PTPRQ: variants seen among roughly 807,000 people sequenced by gnomAD.
The protein encoded by PTPRQ is phosphatidylinositol phosphatase PTPRQ.
PTPRQ carries 199 observed loss-of-function variants against 246.0 expected under a neutral mutation model. The ratio of observed to expected loss-of-function variants is 0.81; its 90% CI spans 0.72 to 0.91. PTPRQ has a LOEUF of 0.91. Ranked by LOEUF, PTPRQ falls within the 40% of genes least tolerant of loss-of-function variation. The pLI, the probability that PTPRQ is intolerant of heterozygous loss-of-function variation, is 0.00. For missense variants in PTPRQ, 2,624 were observed against 2,528.4 expected (o/e 1.04, Z -0.81); for synonymous variants, 869 against 853.2 (o/e 1.02, Z -0.32).
chr12:80,539,655 C>T, intron 19 of PTPRQ, 121 bp from the exon 20 acceptor site: 3 of 834,006 alleles, frequency 3.6e-6, no homozygotes, highest in Non-Finnish European at 5.0e-6. Context: ...GTCGATTTTC[C>T]TAAAACAACA....
At chr12:80,599,282 A>G (rs1898065920) in intron 26 of PTPRQ, among the ~76,000 whole-genome samples, 1 of 151,962 alleles carries the variant, frequency 6.6e-6, no homozygotes, top group Non-Finnish European at 1.5e-5. Flanking sequence ...TGATTGGATT[A>G]TGGGGAATGA....
chr12:80,572,487 C>T (rs1897172751), intron 25 of PTPRQ, among the ~76,000 whole-genome samples: 1 of 151,968 alleles, frequency 6.6e-6, no homozygotes, highest in Admixed American at 6.6e-5. Flanking sequence ...TCTTTCTTAA[C>T]TCCATGACTT....
chr12:80,493,543 A>C (rs889855527), intron 10 of PTPRQ, 88 bp downstream of exon 10: 157 of 1,414,808 alleles, frequency 1.1e-4, no homozygotes, highest in Admixed American at 2.9e-4. Context: ...GAGTTCAGCC[A>C]TATTATTAAT....
At position 80,616,223 on chromosome 12, in the gene PTPRQ, T is replaced by C; in HGVS notation, c.5187T>C (p.Gly1729=). ...NISVYAVNSA[G]AGPKVPMRIT... is the part of the protein sequence containing the mutation. ...AGGTTTACGCAGTCAATAGTGCTGG[T>C]GCAGGTCCAAAGGTTCCGATGAGAA... is the stretch of plus-strand genomic sequence containing the variant. The change falls in exon 30 of 45, where the codon GGT becomes GGC. Residue 1729 remains glycine, a synonymous_variant. Coordinates refer to ENST00000644991, the MANE Select transcript of PTPRQ (RefSeq NM_001145026.2). 1.3e-6 allele frequency: 2 copies of C among 1,491,624 alleles called. No homozygotes were observed. The highest frequency in any genetic ancestry group is 1.8e-6 in the Non-Finnish European group (2 of 1,118,340). The allele number at this position is 1,491,624 out of a possible 1,614,324, so 92.4% of individuals were successfully genotyped here.
intron 17 of PTPRQ, among the ~76,000 whole-genome samples, chr12:80,527,186 A>G (rs867859431): frequency 1.3e-5 from 2 of 152,104 alleles, no homozygotes; most frequent in South Asian, 4.1e-4. Context: ...TTTTATGATT[A>G]TATTTATAGA....
At chr12:80,541,977 A>C (rs1003022917) in intron 21 of PTPRQ, 112 bp from the exon 22 acceptor site, 2 of 1,461,398 alleles carry the variant, frequency 1.4e-6, no homozygotes, top group Admixed American at 5.5e-5. Flanking sequence ...CAATAAACAC[A>C]GTGTTTCTTA....
At chr12:80,634,361 C>A (rs1299660290) in intron 34 of PTPRQ, among the ~76,000 whole-genome samples, 2 of 152,100 alleles carry the variant, frequency 1.3e-5, no homozygotes, top group Admixed American at 6.6e-5. Flanking sequence ...TGAAAAGAAT[C>A]TGATTTGATT....
chr12:80,623,713 T>C (rs1248938691), intron 33 of PTPRQ, among the ~76,000 whole-genome samples: 1 of 152,164 alleles, frequency 6.6e-6, no homozygotes, highest in Non-Finnish European at 1.5e-5. Context: ...TGCTGTATTG[T>C]ATGATGTTGT....
intron 44 of PTPRQ, 67 bp from the exon 45 acceptor site, chr12:80,678,919 A>C: frequency 1.3e-6 from 2 of 1,490,036 alleles, no homozygotes; most frequent in Non-Finnish European, 1.8e-6. Context: ...TATTTTTATC[A>C]TGAAACATTT....
intron 25 of PTPRQ, among the ~76,000 whole-genome samples, chr12:80,571,772 T>C: frequency 6.6e-6 from 1 of 152,214 alleles, no homozygotes; most frequent in Non-Finnish European, 1.5e-5. Flanking sequence ...AAAGATACTT[T>C]TATTTATAAT....
At chr12:80,613,164 C>T (rs1304938325) in intron 28 of PTPRQ, among the ~76,000 whole-genome samples, 1 of 147,786 alleles carries the variant, frequency 6.8e-6, no homozygotes, top group African/African-American at 2.6e-5. Context: ...ATATCAGTTT[C>T]CTGGTTTCAT....
chr12:80,601,116 A>G (rs918265479), intron 26 of PTPRQ, among the ~76,000 whole-genome samples: 20 of 151,830 alleles, frequency 1.3e-4, no homozygotes, highest in African/African-American at 4.6e-4. Flanking sequence ...TAAAATAGTA[A>G]CGCCCTAAGC....
At chr12:80,548,058 T>TA (rs796159662) in intron 24 of PTPRQ, among the ~76,000 whole-genome samples, 2 of 151,956 alleles carry the variant, frequency 1.3e-5, no homozygotes, top group Admixed American at 6.6e-5. Context: ...AACCCATAAA[T>TA]AAAAAAATAT....
intron 25 of PTPRQ, among the ~76,000 whole-genome samples, chr12:80,566,589 A>T (rs779048370): frequency 6.6e-6 from 1 of 152,080 alleles, no homozygotes; most frequent in East Asian, 1.9e-4. Flanking sequence ...CACAGGCTGG[A>T]TATGCAGTGG....
At chr12:80,671,125 A>G (rs1900956373) in intron 42 of PTPRQ, among the ~76,000 whole-genome samples, 1 of 152,114 alleles carries the variant, frequency 6.6e-6, no homozygotes, top group African/African-American at 2.4e-5. Flanking sequence ...AAAACTCAAT[A>G]TGTAATTTAA....
In PTPRQ at chr12:80,522,191, G is replaced by T. The variant is rs1469003592; in HGVS notation, c.2678+11748G>T. Among the ~76,000 whole-genome samples, 6 of 152,162 alleles carry T rather than the reference G, an allele frequency of 3.9e-5. No individual in the cohort carries two copies. In the East Asian group the frequency reaches 1.2e-3, roughly 29 times the overall value. ...CTGTTATTGGTATATAAGAATGCTT[G>T]TGATTTTTGTACATTGATTTTGTAT... On this transcript the variant is annotated intron_variant, in intron 17 of 44. Transcript: ENST00000644991.
chr12:80,490,658 A>G (rs1894417466), intron 9 of PTPRQ, among the ~76,000 whole-genome samples: 1 of 151,996 alleles, frequency 6.6e-6, no homozygotes, highest in Admixed American at 6.6e-5. Context: ...TACAATGTAC[A>G]GGACAGCCTC....
At position 80,657,545 on chromosome 12, in the gene PTPRQ, C is replaced by A. The variant is rs575625856; in HGVS notation, c.6116-440C>A. Among the ~76,000 whole-genome samples, 214 of 151,782 alleles carry A rather than the reference C, an allele frequency of 1.4e-3. 1 individual carries two copies. Among genetic ancestry groups the A allele is most frequent in the Non-Finnish European group, 2.6e-3 (175 of 67,760 alleles). The stretch of plus-strand genomic sequence containing the variant: ...AAAAATTTCAATTATATCTATTCAA[C>A]ATTTTATAATTACAAAGTGAATCAT... On this transcript the variant is annotated intron_variant, in intron 38 of 44. Coordinates refer to ENST00000644991, the MANE Select transcript of PTPRQ (RefSeq NM_001145026.2).
intron 17 of PTPRQ, among the ~76,000 whole-genome samples, chr12:80,516,279 T>A (rs1895297080): frequency 6.6e-6 from 1 of 152,190 alleles, no homozygotes; most frequent in African/African-American, 2.4e-5. Context: ...TTCTTCTTTC[T>A]TTAGGAAACT....
Sources: allele counts gnomAD v4.1 joint callset (sites outside exome capture counted in the v4.1 genomes callset), GRCh38; gene constraint gnomAD v4.1.1; transcripts MANE v1.5; gene names NCBI Gene and HGNC (gene_info 2026-07-23, HGNC 2026-07-21).